AFF4: variants seen among roughly 807,000 people sequenced by gnomAD.
The protein encoded by AFF4 is ALF transcription elongation factor 4.
Under a neutral mutation model 124.8 loss-of-function variants are expected in AFF4, and 13 were observed. The ratio of observed to expected loss-of-function variants is 0.10; its 90% CI spans 0.07 to 0.17. The LOEUF is 0.17. Among genes scored for constraint, AFF4 ranks in the 10% least tolerant of loss-of-function variants. AFF4 has a pLI of 1.00. For missense variants in AFF4, 1,092 were observed against 1,403.8 expected (o/e 0.78, Z 3.55); for synonymous variants, 477 against 496.1 (o/e 0.96, Z 0.51).
At chr5:132,881,896 C>A (rs1432876486) in intron 20 of AFF4, among the ~76,000 whole-genome samples, 3 of 150,992 alleles carry the variant, frequency 2.0e-5, no homozygotes, top group African/African-American at 7.3e-5. Context: ...GAACTCCTGA[C>A]CTTGGGTGAT....
chr5:132,957,618 C>G (rs1278533283), intron 1 of AFF4, among the ~76,000 whole-genome samples: 2 of 152,138 alleles, frequency 1.3e-5, no homozygotes, highest in African/African-American at 4.8e-5. Flanking sequence ...CTGTAGACCC[C>G]AGCTACTCAG....
chr5:132,897,494 GA>G, intron 10 of AFF4, among the ~76,000 whole-genome samples: 1 of 152,268 alleles, frequency 6.6e-6, no homozygotes, highest in South Asian at 2.1e-4. Context: ...GGCGGATCAT[GA>G]GATCAGGAGT....
Position 132,913,499 on chromosome 5 carries a change from A to G in AFF4, c.1051-9095T>C, listed in dbSNP as rs573906575. Among the ~76,000 whole-genome samples the G allele has an allele frequency of 1.6e-4, 25 of 152,316 alleles. No homozygotes were observed. The South Asian group carries it at 3.9e-3, about 24-fold the overall frequency. Reference sequence around the variant, plus strand: ...TTCTCTGTCACCCAGGCTGGAGTACAGTGGCATGATCATGGCTCACTGTAG... The same window carrying G: ...TTCTCTGTCACCCAGGCTGGAGTACGGTGGCATGATCATGGCTCACTGTAG... On this transcript the variant is annotated intron_variant, in intron 5 of 20. Coordinates refer to ENST00000265343, the MANE Select transcript of AFF4 (RefSeq NM_014423.4).
chr5:132,880,028 A>G lies in AFF4; in HGVS notation c.*1031T>C. On this transcript the variant is annotated 3_prime_UTR_variant, in exon 21 of 21. Coordinates refer to ENST00000265343, the MANE Select transcript of AFF4 (RefSeq NM_014423.4). ...TTTCTGTATCAGTCATTGCATGCTC[A>G]TATCAGAGCATCACAATCCAGTATG... 1 of 392,832 alleles carries G rather than the reference A, an allele frequency of 2.5e-6. No homozygotes were observed. Among genetic ancestry groups the G allele is most frequent in the East Asian group, 3.6e-5 (1 of 27,850 alleles). 24.3% of individuals were successfully genotyped at this position (392,832 alleles called of 1,614,324 possible).
chr5:132,893,190 A>G, intron 11 of AFF4, 72 bp from the exon 12 acceptor site: 1 of 1,227,360 alleles, frequency 8.1e-7, no homozygotes. Flanking sequence ...AGCTACCCAC[A>G]AAGAGTTTAT....
chr5:132,929,607 G>A (rs1342237212), intron 4 of AFF4, among the ~76,000 whole-genome samples: 1 of 152,150 alleles, frequency 6.6e-6, no homozygotes. Context: ...ACTGAAGAGG[G>A]AGGAGAAATA....
intron 1 of AFF4, among the ~76,000 whole-genome samples, chr5:132,958,899 C>A (rs572316960): frequency 6.6e-6 from 1 of 152,280 alleles, no homozygotes; most frequent in South Asian, 2.1e-4. Context: ...CCAGTGCAGT[C>A]TATTCATGTC....
chr5:132,939,868 C>A lies in AFF4; in HGVS notation c.-4-2675G>T, dbSNP rs551358215. ...ACATCAGGTGATCTGCCTGCCTTGG[C>A]CTCTCAAAGTGCTGGGATTACAGGC... On this transcript the variant is annotated intron_variant, in intron 1 of 20. Coordinates refer to ENST00000265343, the MANE Select transcript of AFF4 (RefSeq NM_014423.4). Among the ~76,000 whole-genome samples, 9 of 152,290 alleles carry A rather than the reference C, an allele frequency of 5.9e-5. No individual in the cohort carries two copies. In the East Asian group the frequency reaches 1.7e-3, roughly 30 times the overall value.
At chr5:132,938,037 C>T (rs1387854226) in intron 1 of AFF4, among the ~76,000 whole-genome samples, 1 of 151,248 alleles carries the variant, frequency 6.6e-6, no homozygotes, top group East Asian at 1.9e-4. Flanking sequence ...AACTCTGGCA[C>T]TAGGGATTAC....
intron 1 of AFF4, among the ~76,000 whole-genome samples, chr5:132,940,419 T>C (rs777651900): frequency 6.6e-6 from 1 of 151,502 alleles, no homozygotes; most frequent in African/African-American, 2.4e-5. Flanking sequence ...GAGAATGGCG[T>C]GAACCCGGGA....
rs761446908 is a variant in AFF4, at chr5:132,934,484, T to G, written c.581A>C (p.His194Pro). Reference protein sequence around the residue: ...PQAVSSLNSSHSRSHGNDHHS... With the variant: ...PQAVSSLNSSPSRSHGNDHHS... ...GTGATCATTCCCATGAGACCTGGAA[T>G]GACTAGAGTTTAATGAAGAAACAGC... Residue 194 changes from histidine (H) to proline (P), a missense_variant, in exon 3 of 21, where the codon CAT becomes CCT. Transcript: ENST00000265343. 6.2e-7 allele frequency: 1 copy of G among 1,614,056 alleles called. No individual in the cohort carries two copies. Among genetic ancestry groups the G allele is most frequent in the Non-Finnish European group, 8.5e-7 (1 of 1,180,026 alleles).
chr5:132,889,028 C>A (rs377348767), intron 14 of AFF4, 51 bp downstream of exon 14: 2 of 1,526,976 alleles, frequency 1.3e-6, no homozygotes, highest in Non-Finnish European at 1.8e-6. Flanking sequence ...TTCTTATATG[C>A]TGACTGGAAT....
chr5:132,932,156 T>C (rs200365735), intron 4 of AFF4, 22 bp downstream of exon 4: 3 of 1,535,878 alleles, frequency 2.0e-6, no homozygotes, highest in African/African-American at 2.8e-5. Context: ...GAAATTGAAA[T>C]GATTTTTTTT....
rs545912455 is a variant in AFF4, at chr5:132,886,233, G to A, written c.3099+77C>T. ...CCTGGTGTGTTTTGCATAAACATGAGGGCAGTTCTCAGATGGGGATGGGAG... is the reference window on the plus strand; with the variant it reads ...CCTGGTGTGTTTTGCATAAACATGAAGGCAGTTCTCAGATGGGGATGGGAG... On this transcript the variant is annotated intron_variant, in intron 18 of 20. Transcript: ENST00000265343. 5 of 1,247,840 alleles carry A rather than the reference G, an allele frequency of 4.0e-6. No homozygotes were observed. In the African/African-American group the frequency reaches 7.4e-5, roughly 19 times the overall value. 77.3% of individuals were successfully genotyped at this position (1,247,840 alleles called of 1,614,324 possible).
chr5:132,926,676 A>G (rs1465281473), intron 5 of AFF4: 1 of 131,668 alleles, frequency 7.6e-6, no homozygotes, highest in Non-Finnish European at 1.5e-5. Flanking sequence ...AACTGGGACC[A>G]CGGGCCTGTG....
chr5:132,888,701 ATTTT>A (rs923070134), intron 14 of AFF4, among the ~76,000 whole-genome samples: 1 of 146,430 alleles, frequency 6.8e-6, no homozygotes, highest in Non-Finnish European at 1.5e-5. Flanking sequence ...TCAATGATAG[ATTTT>A]TTTTTTTTTT....
chr5:132,929,311 GC>G, intron 4 of AFF4, among the ~76,000 whole-genome samples: 1 of 152,062 alleles, frequency 6.6e-6, no homozygotes. Context: ...GAATGACTGA[GC>G]ACCTATTAAC....
intron 1 of AFF4, among the ~76,000 whole-genome samples, chr5:132,961,001 A>G (rs972352506): frequency 6.6e-6 from 1 of 152,092 alleles, no homozygotes; most frequent in African/African-American, 2.4e-5. Flanking sequence ...AGGCGTGTGG[A>G]TCACGAGGTC....
chr5:132,938,004 GA>G (rs1488725601), intron 1 of AFF4, among the ~76,000 whole-genome samples: 1 of 151,976 alleles, frequency 6.6e-6, no homozygotes, highest in Non-Finnish European at 1.5e-5. Flanking sequence ...TGATTAAACA[GA>G]CAATGGTAGT....
Sources: allele counts gnomAD v4.1 joint callset (sites outside exome capture counted in the v4.1 genomes callset), GRCh38; gene constraint gnomAD v4.1.1; transcripts MANE v1.5; gene names NCBI Gene and HGNC (gene_info 2026-07-23, HGNC 2026-07-21).